Variants in ARHGAP28 observed in about 807,000 individuals in gnomAD.
ARHGAP28 encodes the protein Rho GTPase activating protein 28, also known as rho GTPase-activating protein 28.
ARHGAP28 carries 56 observed loss-of-function variants against 90.7 expected under a neutral mutation model. That is an observed-to-expected ratio of 0.62 (90% CI 0.50 to 0.77). ARHGAP28 has a LOEUF of 0.77. ARHGAP28 is among the 30% of genes least tolerant of loss of function. The pLI, the probability that ARHGAP28 is intolerant of heterozygous loss-of-function variation, is 0.00. For synonymous variants in ARHGAP28, 308 were observed against 323.3 expected, an observed-to-expected ratio of 0.95 and a Z score of 0.51; for missense variants, 869 against 900.9, an observed-to-expected ratio of 0.96 and a Z score of 0.45.
intron 3 of ARHGAP28, among the ~76,000 whole-genome samples, chr18:6,844,285 T>C (rs1283388720): frequency 6.6e-6 from 1 of 152,232 alleles, no homozygotes; most frequent in Non-Finnish European, 1.5e-5. Flanking sequence ...AAGAAGACGA[T>C]GTAGGTGGTG....
chr18:6,892,472 T>A (rs1425867262), intron 14 of ARHGAP28, among the ~76,000 whole-genome samples: 3 of 152,184 alleles, frequency 2.0e-5, no homozygotes, highest in Non-Finnish European at 4.4e-5. Flanking sequence ...TTCTGATAAG[T>A]CCAATGTCTG....
At chr18:6,897,393 A>G (rs1478165945) in intron 16 of ARHGAP28, 1 of 152,232 alleles carries the variant, frequency 6.6e-6, no homozygotes, top group Non-Finnish European at 1.5e-5. Flanking sequence ...ACTAATAATA[A>G]TTCTTAGAAT....
At chr18:6,760,345 C>A (rs1025047505) in intron 1 of ARHGAP28, among the ~76,000 whole-genome samples, 8 of 152,082 alleles carry the variant, frequency 5.3e-5, no homozygotes, top group African/African-American at 1.9e-4. Context: ...ATCCTACAAA[C>A]CAGACTACAA....
At chr18:6,848,914 A>C (rs112209567) in intron 3 of ARHGAP28, among the ~76,000 whole-genome samples, 78 of 152,044 alleles carry the variant, frequency 5.1e-4, no homozygotes, top group African/African-American at 1.9e-3. Context: ...GGCTTTCACT[A>C]TGCCTTTCAT....
chr18:6,852,936 T>G (rs2056921774), intron 4 of ARHGAP28, among the ~76,000 whole-genome samples: 1 of 152,212 alleles, frequency 6.6e-6, no homozygotes, highest in Non-Finnish European at 1.5e-5. Flanking sequence ...AGGTGTGATC[T>G]GATTGGATCT....
intron 15 of ARHGAP28, among the ~76,000 whole-genome samples, chr18:6,895,776 C>A (rs149113854): frequency 3.3e-5 from 5 of 152,104 alleles, no homozygotes; most frequent in Non-Finnish European, 7.3e-5. Context: ...GGTCACGTTT[C>A]GAGGTATTGG....
At chr18:6,756,171 A>T (rs1042289631) in intron 1 of ARHGAP28, among the ~76,000 whole-genome samples, 2 of 152,184 alleles carry the variant, frequency 1.3e-5, no homozygotes, top group Non-Finnish European at 2.9e-5. Context: ...CATTAAGTAA[A>T]GACCTTAGAA....
rs2057405206 is a variant in ARHGAP28, at chr18:6,912,644, A to G, written c.*490A>G. On this transcript the variant is annotated 3_prime_UTR_variant, in exon 18 of 18. Transcript: ENST00000383472. Reference sequence around the variant, plus strand: ...AATCCAGATCTGCTTTCTAAAATGAATCAGTTTCTAAAGTGAAACATGCAA... The same window carrying G: ...AATCCAGATCTGCTTTCTAAAATGAGTCAGTTTCTAAAGTGAAACATGCAA... 6.6e-6 allele frequency: 1 copy of G among 152,220 alleles called. No individual in the cohort carries two copies. Among genetic ancestry groups the G allele is most frequent in the African/African-American group, 2.4e-5 (1 of 41,460 alleles). 9.4% of individuals were successfully genotyped at this position (152,220 alleles called of 1,614,324 possible).
chr18:6,859,946 T>C (rs1338548583), intron 5 of ARHGAP28, 49 bp downstream of exon 5: 1 of 1,469,716 alleles, frequency 6.8e-7, no homozygotes, highest in Admixed American at 1.7e-5. Flanking sequence ...CAGTTGCAAG[T>C]CAAAGCAACT....
rs112473841 is a variant in ARHGAP28, at chr18:6,873,260, A to G, written c.955-149A>G. 1.6e-3 allele frequency: 1,046 copies of G among 664,140 alleles called. 13 individuals are homozygous for G. The African/African-American group carries it at 0.017, about 11-fold the overall frequency. 41.1% of individuals were successfully genotyped at this position (664,140 alleles called of 1,614,324 possible). A position where few individuals can be genotyped will look rare whatever the true frequency, so the allele number is the denominator to read the frequency against. Reference sequence around the variant, plus strand: ...GCACATTGTTCTAAACCACATATTCATATTTCTAGGATGCAGCATGCTCCT... The same window carrying G: ...GCACATTGTTCTAAACCACATATTCGTATTTCTAGGATGCAGCATGCTCCT... On this transcript the variant is annotated intron_variant, in intron 7 of 17. Transcript: ENST00000383472.
chr18:6,732,003 G>T (rs543053944), intron 1 of ARHGAP28, among the ~76,000 whole-genome samples: 1 of 151,962 alleles, frequency 6.6e-6, no homozygotes, highest in South Asian at 2.1e-4. Context: ...TTGTATCTGC[G>T]TTATTTTTTA....
Position 6,803,104 on chromosome 18 carries a change from G to A in ARHGAP28, c.123-21658G>A, listed in dbSNP as rs936013729. Among the ~76,000 whole-genome samples, 5 of 151,914 alleles carry A rather than the reference G, an allele frequency of 3.3e-5. No individual in the cohort carries two copies. The South Asian group carries it at 1.0e-3, about 32-fold the overall frequency. On this transcript the variant is annotated intron_variant, in intron 1 of 17. Coordinates refer to ENST00000383472, the MANE Select transcript of ARHGAP28 (RefSeq NM_001366230.1). ...ATCTTTTTCTTGCCTGATTGCATTG[G>A]TTAGAACTTTTAGTACAATGTTGAA...
At chr18:6,749,706 C>T (rs2056053773) in intron 1 of ARHGAP28, among the ~76,000 whole-genome samples, 1 of 152,032 alleles carries the variant, frequency 6.6e-6, no homozygotes. Flanking sequence ...GCTTAGCATC[C>T]ATAGATTCAG....
intron 1 of ARHGAP28, among the ~76,000 whole-genome samples, chr18:6,765,979 T>A (rs978303857): frequency 2.6e-5 from 4 of 152,240 alleles, no homozygotes; most frequent in African/African-American, 9.6e-5. Context: ...AAGAACATAC[T>A]TTGCATGAAT....
At chr18:6,750,785 A>C (rs886795865) in intron 1 of ARHGAP28, among the ~76,000 whole-genome samples, 1 of 152,186 alleles carries the variant, frequency 6.6e-6, no homozygotes, top group Non-Finnish European at 1.5e-5. Context: ...CTACCTCCAA[A>C]TATCACCAAC....
chr18:6,905,113 AC>A (rs938999337), intron 16 of ARHGAP28, among the ~76,000 whole-genome samples: 26 of 152,190 alleles, frequency 1.7e-4, no homozygotes, highest in Non-Finnish European at 2.8e-4. Flanking sequence ...ATAAAAAAAA[AC>A]AAACAAAAGC....
intron 17 of ARHGAP28, among the ~76,000 whole-genome samples, chr18:6,910,704 C>T (rs529902707): frequency 6.6e-6 from 1 of 152,174 alleles, no homozygotes; most frequent in African/African-American, 2.4e-5. Flanking sequence ...TGTTAGTTGC[C>T]TTGTGCTGCT....
chr18:6,837,315 C>G lies in ARHGAP28; in HGVS notation c.444C>G (p.Ala148=). ...CATTGACTCGAACCCAAGCAGCTGC[C>G]GTGCAAAAGAGATACCATACCTATA... ...LSTLTRTQAA[A]VQKRYHTYTQ... The change falls in exon 3 of 18, where the codon GCC becomes GCG. Residue 148 remains alanine (A), a synonymous_variant. Transcript: ENST00000383472. 1 of 1,613,364 alleles carries G rather than the reference C, an allele frequency of 6.2e-7. No homozygotes were observed. Among genetic ancestry groups the G allele is most frequent in the Non-Finnish European group, 8.5e-7 (1 of 1,179,876 alleles).
chr18:6,908,126 T>G (rs754693886), intron 16 of ARHGAP28, among the ~76,000 whole-genome samples: 14 of 86,020 alleles, frequency 1.6e-4, no homozygotes, highest in Non-Finnish European at 4.1e-4. Context: ...TTTTATTTTG[T>G]TTTATTTTAT....
Sources: allele counts gnomAD v4.1 joint callset (sites outside exome capture counted in the v4.1 genomes callset), GRCh38; gene constraint gnomAD v4.1.1; transcripts MANE v1.5; gene names NCBI Gene and HGNC (gene_info 2026-07-23, HGNC 2026-07-21).